Variants in CLIP1 observed in about 807,000 individuals in gnomAD.
CLIP1 encodes the protein CAP-Gly domain containing linker protein 1, also known as CAP-Gly domain-containing linker protein 1.
A neutral mutation model predicts 161.6 loss-of-function variants in CLIP1; 66 were observed. The ratio of observed to expected loss-of-function variants is 0.41; its 90% CI spans 0.33 to 0.50. CLIP1 has a LOEUF of 0.50. Among genes scored for constraint, CLIP1 ranks in the 20% least tolerant of loss-of-function variants. The pLI is 0.27. For missense variants in CLIP1, 1,376 were observed against 1,702.0 expected, an observed-to-expected ratio of 0.81 and a Z score of 3.37; for synonymous variants, 598 against 626.2, an observed-to-expected ratio of 0.96 and a Z score of 0.67.
rs35500806 is a variant in CLIP1, at chr12:122,407,748, CAAAAAAAA to C, written c.-107+14765_-107+14772del. The stretch of plus-strand genomic sequence containing the variant: ...GAGGGTTTTTGGTGAGACCCTGTCT[CAAAAAAAA>C]AAAAAAAAAAAAAAAAAGAATTGAT... On this transcript the variant is annotated intron_variant, in intron 1 of 25. Coordinates refer to ENST00000620786, the MANE Select transcript of CLIP1 (RefSeq NM_001247997.2). Among the ~76,000 whole-genome samples the C allele has an allele frequency of 2.6e-4, 10 of 38,336 alleles. No individual in the cohort carries two copies. The East Asian group carries it at 4.7e-3, about 18-fold the overall frequency. 25.1% of individuals were successfully genotyped at this position (38,336 alleles called of 152,430 possible).
intron 1 of CLIP1, among the ~76,000 whole-genome samples, chr12:122,404,050 C>T (rs1174980239): frequency 1.3e-5 from 2 of 152,178 alleles, no homozygotes; most frequent in Non-Finnish European, 2.9e-5. Flanking sequence ...CCGGTAAGCG[C>T]ATGAGTGAGC....
rs1423129067 is a variant in CLIP1, at chr12:122,334,514, T to C, written c.2626+134A>G. On this transcript the variant is annotated intron_variant, in intron 13 of 25. Transcript: ENST00000620786. ...GGAAACCAATGGAAGCCAGTCTTTC[T>C]GAGCACGGCAGGAACTTCCAGGAGA... The C allele has an allele frequency of 5.9e-5, 38 of 644,776 alleles. No individual in the cohort carries two copies. The East Asian group carries it at 1.0e-3, about 18-fold the overall frequency. 39.9% of individuals were successfully genotyped at this position (644,776 alleles called of 1,614,324 possible).
At position 122,273,757 on chromosome 12, in the gene CLIP1, G is replaced by C. The variant is rs561426401; in HGVS notation, c.4091+281C>G. Among the ~76,000 whole-genome samples, 4 of 151,616 alleles carry C rather than the reference G, an allele frequency of 2.6e-5. No homozygotes were observed. In the South Asian group the frequency reaches 8.4e-4, roughly 32 times the overall value. Reference sequence around the variant, plus strand: ...ATCAGTATGGTTTTTTTTGAGACAGGGTCTTGCTCTGTCACCCAGGTTGGA... The same window carrying C: ...ATCAGTATGGTTTTTTTTGAGACAGCGTCTTGCTCTGTCACCCAGGTTGGA... On this transcript the variant is annotated intron_variant, in intron 25 of 25. Transcript: ENST00000620786.
intron 1 of CLIP1, among the ~76,000 whole-genome samples, chr12:122,421,520 G>T (rs533272140): frequency 2.0e-5 from 3 of 152,234 alleles, no homozygotes; most frequent in Admixed American, 1.3e-4. Flanking sequence ...GAGGAAGAAG[G>T]CCAGGCTGCT....
At chr12:122,314,030 C>T (rs1045414254) in intron 19 of CLIP1, among the ~76,000 whole-genome samples, 1 of 151,876 alleles carries the variant, frequency 6.6e-6, no homozygotes, top group African/African-American at 2.4e-5. Context: ...CAGTGGCTCA[C>T]AGCTGTAATC....
chr12:122,351,080 G>T, intron 9 of CLIP1, 31 bp downstream of exon 9: 1 of 1,505,140 alleles, frequency 6.6e-7, no homozygotes, highest in Admixed American at 1.9e-5. Context: ...GTTAACAAGG[G>T]AAATATCCAC....
At chr12:122,284,378 G>A (rs1368066025) in intron 21 of CLIP1, among the ~76,000 whole-genome samples, 1 of 151,124 alleles carries the variant, frequency 6.6e-6, no homozygotes, top group African/African-American at 2.4e-5. Flanking sequence ...TTGAGATGGA[G>A]TTTTGCTCTT....
intron 20 of CLIP1, among the ~76,000 whole-genome samples, chr12:122,306,407 A>G (rs1242842401): frequency 2.0e-5 from 3 of 152,176 alleles, no homozygotes; most frequent in African/African-American, 7.2e-5. Context: ...CTTCTGTAAA[A>G]CAGAAACTGG....
rs967990754 is a variant in CLIP1 at position 122,411,548 on chromosome 12, CAG to C, written c.-107+10971_-107+10972del. On this transcript the variant is annotated intron_variant, in intron 1 of 25. Coordinates refer to ENST00000620786, the MANE Select transcript of CLIP1 (RefSeq NM_001247997.2). ...GTGGTATTGGGGTATATCTACACAA[CAG>C]AATATTACTCAACCATAAAAAGGAA... Among the ~76,000 whole-genome samples, 19 of 152,272 alleles carry C rather than the reference CAG, an allele frequency of 1.2e-4. 1 individual carries two copies. The highest frequency in any genetic ancestry group is 1.2e-3 in the Admixed American group (19 of 15,292).
At chr12:122,366,232 G>A (rs370298825) in intron 3 of CLIP1, among the ~76,000 whole-genome samples, 2 of 151,024 alleles carry the variant, frequency 1.3e-5, no homozygotes, top group African/African-American at 4.9e-5. Context: ...ACTTGCACCC[G>A]GGAAGCGGAG....
At chr12:122,404,855 G>A (rs530964622) in intron 1 of CLIP1, among the ~76,000 whole-genome samples, 16 of 149,462 alleles carry the variant, frequency 1.1e-4, no homozygotes, top group Non-Finnish European at 1.9e-4. Context: ...AGCCAAGATC[G>A]CGCCACTGCA....
intron 5 of CLIP1, among the ~76,000 whole-genome samples, chr12:122,359,466 G>C (rs1379278507): frequency 6.6e-6 from 1 of 152,160 alleles, no homozygotes; most frequent in African/African-American, 2.4e-5. Context: ...ATTGTTCCTA[G>C]AACAGCAAAG....
At chr12:122,319,176 A>T in intron 18 of CLIP1, 56 bp downstream of exon 18, 1 of 1,233,804 alleles carries the variant, frequency 8.1e-7, no homozygotes, top group Non-Finnish European at 1.2e-6. Context: ...GTGACCAAAC[A>T]TTCTACCAAG....
chr12:122,351,138 C>CT lies in CLIP1; in HGVS notation c.1373dup (p.Ser459GlufsTer5). On this transcript the variant is annotated frameshift_variant, in exon 9 of 26. Coordinates refer to ENST00000620786, the MANE Select transcript of CLIP1 (RefSeq NM_001247997.2). LOFTEE classifies it high-confidence loss of function. ...TCTCAGGATCTTCAGAAATCTGGCT[C>CT]TTTTGCTATCAGTAAAAAAATAAAA... 1.3e-6 allele frequency: 2 copies of CT among 1,501,692 alleles called. No homozygotes were observed. Among genetic ancestry groups the CT allele is most frequent in the Non-Finnish European group, 1.8e-6 (2 of 1,133,870 alleles). The allele number at this position is 1,501,692 out of a possible 1,614,324, so 93.0% of individuals were successfully genotyped here. A position where few individuals can be genotyped will look rare whatever the true frequency, so the allele number is the denominator to read the frequency against.
intron 8 of CLIP1, among the ~76,000 whole-genome samples, chr12:122,352,518 G>A (rs1004018762): frequency 6.6e-6 from 1 of 152,178 alleles, no homozygotes; most frequent in African/African-American, 2.4e-5. Flanking sequence ...TGAGAAAGAA[G>A]TAGTGCAAGT....
intron 1 of CLIP1, among the ~76,000 whole-genome samples, chr12:122,387,737 C>T (rs1955390231): frequency 6.6e-6 from 1 of 150,828 alleles, no homozygotes; most frequent in Admixed American, 6.6e-5. Flanking sequence ...CAGGCACACA[C>T]CACCATGCTT....
chr12:122,305,379 T>C (rs565569902), intron 20 of CLIP1, among the ~76,000 whole-genome samples: 21 of 152,344 alleles, frequency 1.4e-4, no homozygotes, highest in African/African-American at 4.6e-4. Flanking sequence ...TGCAGTGAGC[T>C]ATGATAGTGC....
rs1955548854 is a variant in CLIP1 at position 122,279,189 on chromosome 12, A to G, written c.3648-44T>C. Reference sequence around the variant, plus strand: ...AAAAGTTCCACAAATCAACCGAAAGACTGGTCAGTGTACAACTGTTCTAGA... The same window carrying G: ...AAAAGTTCCACAAATCAACCGAAAGGCTGGTCAGTGTACAACTGTTCTAGA... On this transcript the variant is annotated intron_variant, in intron 21 of 25. Coordinates refer to ENST00000620786, the MANE Select transcript of CLIP1 (RefSeq NM_001247997.2). The surrounding 1 kb of genome is among the most constrained non-coding windows in gnomAD (Gnocchi z 4.5). 1.5e-6 allele frequency: 2 copies of G among 1,316,512 alleles called. No homozygotes were observed. Among genetic ancestry groups the G allele is most frequent in the Admixed American group, 1.9e-5 (1 of 53,910 alleles). The allele number at this position is 1,316,512 out of a possible 1,614,324, so 81.6% of individuals were successfully genotyped here.
At chr12:122,408,081 C>T (rs1379766117) in intron 1 of CLIP1, among the ~76,000 whole-genome samples, 2 of 151,682 alleles carry the variant, frequency 1.3e-5, no homozygotes, top group Non-Finnish European at 2.9e-5. Context: ...ACTAAAAATA[C>T]AAAAATTAGC....
Sources: allele counts gnomAD v4.1 joint callset (sites outside exome capture counted in the v4.1 genomes callset), GRCh38; gene constraint gnomAD v4.1.1; non-coding constraint Gnocchi (gnomAD v3.1); transcripts MANE v1.5; gene names NCBI Gene and HGNC (gene_info 2026-07-23, HGNC 2026-07-21).